Variants in BICRA observed in about 807,000 individuals in gnomAD.
The protein encoded by BICRA is BRD4-interacting chromatin-remodeling complex-associated protein.
A neutral mutation model predicts 96.9 loss-of-function variants in BICRA; 31 were observed. That is an observed-to-expected ratio of 0.32 (90% CI 0.24 to 0.43). The LOEUF (loss-of-function observed/expected upper bound fraction) is 0.43. Ranked by LOEUF, BICRA falls within the 20% of genes least tolerant of loss-of-function variation. BICRA has a pLI of 1.00. For synonymous variants in BICRA, 1,350 were observed against 1,071.8 expected, an observed-to-expected ratio of 1.26 and a Z score of -5.07; for missense variants, 2,283 against 2,190.3, an observed-to-expected ratio of 1.04 and a Z score of -0.84.
chr19:47,640,843 C>CA (rs929082730), intron 1 of BICRA, among the ~76,000 whole-genome samples: 22 of 150,666 alleles, frequency 1.5e-4, no homozygotes, highest in African/African-American at 5.1e-4. Flanking sequence ...GTGGCACAGC[C>CA]AGTAAGTGGT....
rs1474544289 is a variant in BICRA, at chr19:47,675,621, C to T, written c.85-230C>T. Among the ~76,000 whole-genome samples the T allele has an allele frequency of 2.0e-5, 3 of 152,202 alleles. No homozygotes were observed. The highest frequency in any genetic ancestry group is 3.9e-4 in the East Asian group (2 of 5,186). ...CGAGGCAGTCACAGCAGGATCGCTT[C>T]GCAGGCCAGGCTCGGGGACTCAGTG... On this transcript the variant is annotated intron_variant, in intron 4 of 14. Coordinates refer to ENST00000594866, the MANE Select transcript of BICRA (RefSeq NM_001394372.1). This position sits in a 1 kb window ranked among gnomAD's most constrained non-coding sequence, Gnocchi z 4.7.
chr19:47,613,369 A>G (rs899281680), intron 1 of BICRA, among the ~76,000 whole-genome samples: 3 of 152,120 alleles, frequency 2.0e-5, no homozygotes, highest in Non-Finnish European at 4.4e-5. Flanking sequence ...AGTTAATTGG[A>G]AACAGGAAAA....
chr19:47,701,752 C>A lies in BICRA; in HGVS notation c.4020C>A (p.Leu1340=). ...VHQPPPPPAT[L]KVAEPPPRPP... ...AGCCCCCGCCACCCCCCGCTACCCT[C>A]AAGGTGGCCGAGCCCCCGCCACGGC... Residue 1340 remains leucine (L), a synonymous_variant, in exon 15 of 15, where the codon CTC becomes CTA. Coordinates refer to ENST00000594866, the MANE Select transcript of BICRA (RefSeq NM_001394372.1). The surrounding 1 kb of genome is among the most constrained non-coding windows in gnomAD (Gnocchi z 5.4). The A allele has an allele frequency of 1.9e-6, 3 of 1,546,136 alleles. No individual in the cohort carries two copies. In the Middle Eastern group the frequency reaches 5.9e-4, roughly 306 times the overall value.
chr19:47,653,768 A>G (rs1972574607), intron 1 of BICRA, among the ~76,000 whole-genome samples: 1 of 152,156 alleles, frequency 6.6e-6, no homozygotes, highest in African/African-American at 2.4e-5. Context: ...ACGGACGGGC[A>G]TTTGGGTTCT....
intron 1 of BICRA, among the ~76,000 whole-genome samples, chr19:47,653,814 G>T (rs1465320987): frequency 6.6e-6 from 1 of 152,168 alleles, no homozygotes; most frequent in Non-Finnish European, 1.5e-5. Flanking sequence ...TGCTGCGGAT[G>T]TTCACAGGCC....
At chr19:47,644,792 C>T (rs1405778472) in intron 1 of BICRA, among the ~76,000 whole-genome samples, 9 of 152,186 alleles carry the variant, frequency 5.9e-5, no homozygotes, top group Non-Finnish European at 7.3e-5. Flanking sequence ...TGAGCCACCG[C>T]GCCCGGATTT....
Position 47,699,190 on chromosome 19 carries a change from C to A in BICRA, c.3493-113C>A. ...CCCGGGAGGGAGGTTGGGAGGGAGG[C>A]GGGAGCTCCCATCACAAGGACAGTT... On this transcript the variant is annotated intron_variant, in intron 13 of 14. Coordinates refer to ENST00000594866, the MANE Select transcript of BICRA (RefSeq NM_001394372.1). This position sits in a 1 kb window ranked among gnomAD's most constrained non-coding sequence, Gnocchi z 5.0. 1 of 879,284 alleles carries A rather than the reference C, an allele frequency of 1.1e-6. No homozygotes were observed. Among genetic ancestry groups the A allele is most frequent in the Non-Finnish European group, 1.9e-6 (1 of 540,348 alleles). The allele number at this position is 879,284 out of a possible 1,614,324, so 54.5% of individuals were successfully genotyped here.
intron 1 of BICRA, among the ~76,000 whole-genome samples, chr19:47,665,644 G>GT (rs1057256641): frequency 8.6e-5 from 13 of 151,294 alleles, no homozygotes; most frequent in East Asian, 3.9e-4. Flanking sequence ...TGGTTGTTTT[G>GT]TTTTTTTTTA....
In BICRA at chr19:47,681,157, A is replaced by T. The variant is rs1599850697; in HGVS notation, c.1987A>T (p.Thr663Ser). 2.1e-6 allele frequency: 3 copies of T among 1,402,236 alleles called. No individual in the cohort carries two copies. Among genetic ancestry groups the T allele is most frequent in the Admixed American group, 2.2e-5 (1 of 46,082 alleles). 86.9% of individuals were successfully genotyped at this position (1,402,236 alleles called of 1,614,324 possible). A position where few individuals can be genotyped will look rare whatever the true frequency, so the allele number is the denominator to read the frequency against. ...GGCCGCCGCCCCGCCTCAGGCCACC[A>T]CCCCCCAGCCCAGCCCTGGCCTGGC... is the stretch of plus-strand genomic sequence containing the variant. Reference protein sequence around the residue: ...PQAAAPPQATTPQPSPGLASS... With the variant: ...PQAAAPPQATSPQPSPGLASS... The change falls in exon 6 of 15, where the codon ACC (threonine) becomes TCC (serine). Residue 663 changes from threonine (T) to serine (S), a missense_variant. Physicochemically the swap from Thr to Ser is moderately conservative, Grantham distance 58. Coordinates refer to ENST00000594866, the MANE Select transcript of BICRA (RefSeq NM_001394372.1).
chr19:47,699,437 GA>G lies in BICRA; in HGVS notation c.3595+33del. On this transcript the variant is annotated intron_variant, in intron 14 of 14. Transcript: ENST00000594866. The surrounding 1 kb of genome is among the most constrained non-coding windows in gnomAD (Gnocchi z 5.0). ...GGGGGGAGTGAGAGGGGAGGGGAGG[GA>G]GAGGTGCCCCCACCCCACCTGGGCA... 1 of 1,211,064 alleles carries G rather than the reference GA, an allele frequency of 8.3e-7. No individual in the cohort carries two copies. The highest frequency in any genetic ancestry group is 1.2e-6 in the Non-Finnish European group (1 of 836,288). 75.0% of individuals were successfully genotyped at this position (1,211,064 alleles called of 1,614,324 possible).
rs1489618227 is a variant in BICRA, at chr19:47,623,893, C to T, written c.-108+14725C>T. 7.9e-5 allele frequency among the ~76,000 whole-genome samples: 12 copies of T among 151,368 alleles called. No individual in the cohort carries two copies. In the South Asian group the frequency reaches 2.1e-3, roughly 26 times the overall value. ...TGAGACCGAGTTTAGTTCTTGTTGC[C>T]CAGGCTGGAGTGCAGTGGCGCGATC... On this transcript the variant is annotated intron_variant, in intron 1 of 14. Coordinates refer to ENST00000594866, the MANE Select transcript of BICRA (RefSeq NM_001394372.1).
intron 1 of BICRA, among the ~76,000 whole-genome samples, chr19:47,642,057 A>G (rs1972392713): frequency 6.6e-6 from 1 of 152,204 alleles, no homozygotes. Flanking sequence ...ACTTTCTGCA[A>G]TTTCAATTTG....
chr19:47,695,420 C>G lies in BICRA; in HGVS notation c.3132C>G (p.Thr1044=). 1 of 1,601,626 alleles carries G rather than the reference C, an allele frequency of 6.2e-7. No homozygotes were observed. Among genetic ancestry groups the G allele is most frequent in the Non-Finnish European group, 8.5e-7 (1 of 1,174,524 alleles). The change falls in exon 10 of 15, where the codon ACC becomes ACG. Residue 1044 remains threonine (T), a synonymous_variant. Coordinates refer to ENST00000594866, the MANE Select transcript of BICRA (RefSeq NM_001394372.1). Reference sequence around the variant, plus strand: ...AGGCTTTTGCCAGCAACCTCCCGACCCTGAATGTGGCCAAGGCCGCTTCCT... The same window carrying G: ...AGGCTTTTGCCAGCAACCTCCCGACGCTGAATGTGGCCAAGGCCGCTTCCT... The part of the protein sequence containing the change: ...ENKAFASNLP[T]LNVAKAASSG...
chr19:47,666,884 A>C (rs1245090080), intron 1 of BICRA, among the ~76,000 whole-genome samples: 1 of 151,536 alleles, frequency 6.6e-6, no homozygotes, highest in Non-Finnish European at 1.5e-5. Context: ...CCTCCTTTTT[A>C]CTTCTTTGAA....
intron 1 of BICRA, among the ~76,000 whole-genome samples, chr19:47,612,403 G>A (rs1971921343): frequency 6.7e-6 from 1 of 150,214 alleles, no homozygotes; most frequent in South Asian, 2.1e-4. Flanking sequence ...GCAAGAGTGA[G>A]ACCCTGTCTC....
intron 7 of BICRA, among the ~76,000 whole-genome samples, chr19:47,690,421 C>T (rs1248947571): frequency 6.6e-6 from 1 of 152,176 alleles, no homozygotes; most frequent in African/African-American, 2.4e-5. Context: ...TTGCGTTCCT[C>T]TTGAGTTGTA....
intron 1 of BICRA, 130 bp from the exon 2 acceptor site, chr19:47,670,311 GTC>G (rs1048352430): frequency 6.6e-6 from 1 of 152,192 alleles, no homozygotes; most frequent in African/African-American, 2.4e-5. Context: ...TCAGCCTCCC[GTC>G]TCTCTTCCAT....
Position 47,679,756 on chromosome 19 carries a change from C to T in BICRA, c.586C>T (p.Pro196Ser). ...GGTCAACAAGGCCCTGAGTGTGCAGCCCTTCCTGCAGCCTGTGGGCCTGGG... is the reference window on the plus strand; with the variant it reads ...GGTCAACAAGGCCCTGAGTGTGCAGTCCTTCCTGCAGCCTGTGGGCCTGGG... ...DVVNKALSVQ[P>S]FLQPVGLGNV... The change falls in exon 6 of 15, where the codon CCC becomes TCC. Residue 196 changes from proline to serine, a missense_variant. Physicochemically the swap from Pro to Ser is moderately conservative, Grantham distance 74. Coordinates refer to ENST00000594866, the MANE Select transcript of BICRA (RefSeq NM_001394372.1). The T allele has an allele frequency of 2.0e-6, 3 of 1,526,690 alleles. No individual in the cohort carries two copies. The highest frequency in any genetic ancestry group is 2.6e-6 in the Non-Finnish European group (3 of 1,137,376). 94.6% of individuals were successfully genotyped at this position (1,526,690 alleles called of 1,614,324 possible). A position where few individuals can be genotyped will look rare whatever the true frequency, so the allele number is the denominator to read the frequency against.
In BICRA at chr19:47,698,889, C is replaced by T; in HGVS notation, c.3398-76C>T. The T allele has an allele frequency of 1.5e-6, 2 of 1,357,182 alleles. No individual in the cohort carries two copies. Among genetic ancestry groups the T allele is most frequent in the African/African-American group, 1.4e-5 (1 of 69,468 alleles). The allele number at this position is 1,357,182 out of a possible 1,614,324, so 84.1% of individuals were successfully genotyped here. ...AGGTCCACGGTGCGCTATGCTGACC[C>T]TGCCCCGCCCTCCTTCCTGCGCATC... On this transcript the variant is annotated intron_variant, in intron 12 of 14. Coordinates refer to ENST00000594866, the MANE Select transcript of BICRA (RefSeq NM_001394372.1). The surrounding 1 kb of genome is among the most constrained non-coding windows in gnomAD (Gnocchi z 4.8).
Sources: gnomAD v4.1 joint callset for allele counts (sites outside exome capture counted in the v4.1 genomes callset) on GRCh38, gnomAD v4.1.1 for gene constraint, Gnocchi (gnomAD v3.1) non-coding constraint, MANE v1.5 for transcripts, NCBI Gene and HGNC (gene_info 2026-07-23, HGNC 2026-07-21) for gene names.